RPTOR: variants seen among roughly 807,000 people sequenced by gnomAD.
The protein encoded by RPTOR is regulatory associated protein of MTOR complex 1.
RPTOR carries 21 observed loss-of-function variants against 169.9 expected under a neutral mutation model. The ratio of observed to expected loss-of-function variants is 0.12; its 90% CI spans 0.09 to 0.18. The LOEUF (loss-of-function observed/expected upper bound fraction) is 0.18, where lower values mean the gene tolerates loss of function less well. Among genes scored for constraint, RPTOR ranks in the 10% least tolerant of loss-of-function variants. The pLI, the probability that RPTOR is intolerant of heterozygous loss-of-function variation, is 1.00. For synonymous variants in RPTOR, 732 were observed against 753.2 expected (o/e 0.97, Z 0.46); for missense variants, 1,133 against 1,855.9 (o/e 0.61, Z 7.16).
chr17:80,579,085 G>T (rs1205220316), intron 1 of RPTOR, among the ~76,000 whole-genome samples: 1 of 152,128 alleles, frequency 6.6e-6, no homozygotes, highest in Non-Finnish European at 1.5e-5. Flanking sequence ...CAGGTACTCG[G>T]GGTTATTATT....
At chr17:80,930,743 G>C (rs548709106) in intron 24 of RPTOR, among the ~76,000 whole-genome samples, 1 of 152,240 alleles carries the variant, frequency 6.6e-6, no homozygotes, top group Non-Finnish European at 1.5e-5. Context: ...AGTGGGAGAC[G>C]TAGCTTCTCT....
At chr17:80,767,807 C>A (rs1053901879) in intron 6 of RPTOR, among the ~76,000 whole-genome samples, 4 of 152,106 alleles carry the variant, frequency 2.6e-5, no homozygotes, top group African/African-American at 9.7e-5. Context: ...GGGCCTTTTA[C>A]AAATCAGCTT....
chr17:80,805,466 C>T (rs1053079123), intron 7 of RPTOR: 1 of 152,274 alleles, frequency 6.6e-6, no homozygotes, highest in Non-Finnish European at 1.5e-5. Context: ...CTGCTTTTCT[C>T]GATGTGGCAG....
chr17:80,738,740 G>A (rs956363926), intron 5 of RPTOR, among the ~76,000 whole-genome samples: 7 of 152,150 alleles, frequency 4.6e-5, no homozygotes, highest in African/African-American at 1.2e-4. Context: ...AATGCCTCAC[G>A]TTAAATTGAT....
rs991970401 is a variant in RPTOR at position 80,893,563 on chromosome 17, G to A, written c.2243-144G>A. On this transcript the variant is annotated intron_variant, in intron 19 of 33. Transcript: ENST00000306801. ...ACATGCCAGGGTGTGTGCGCACCAG[G>A]GTGTGTGTGTACCAGGGTGTGTTTG... The A allele has an allele frequency of 1.4e-5, 14 of 1,003,212 alleles. No individual in the cohort carries two copies. In the African/African-American group the frequency reaches 2.2e-4, roughly 15 times the overall value. The allele number at this position is 1,003,212 out of a possible 1,614,324, so 62.1% of individuals were successfully genotyped here.
intron 4 of RPTOR, among the ~76,000 whole-genome samples, chr17:80,718,601 G>C (rs2066259200): frequency 6.6e-6 from 1 of 152,168 alleles, no homozygotes; most frequent in South Asian, 2.1e-4. Flanking sequence ...GTGCTTGCTC[G>C]GGCTGAGTCT....
chr17:80,961,422 G>A lies in RPTOR; in HGVS notation c.3634G>A (p.Ala1212Thr). Residue 1212 changes from alanine to threonine, a missense_variant, in exon 31 of 34, where the codon GCC becomes ACC. Physicochemically the swap from Ala to Thr is moderately conservative, Grantham distance 58. This residue lies in a region of RPTOR where 410 missense variants were observed against 623.7 expected (regional missense o/e 0.66). Coordinates refer to ENST00000306801, the MANE Select transcript of RPTOR (RefSeq NM_020761.3). Reference protein sequence around the residue: ...CRVMTYREHTAWVVKASLQKR... With the variant: ...CRVMTYREHTTWVVKASLQKR... The stretch of plus-strand genomic sequence containing the variant: ...CGTCATGACGTACCGGGAGCACACA[G>A]CCTGGGTGGTGAAGGCCTCCCTGCA... The A allele has an allele frequency of 6.4e-7, 1 of 1,550,984 alleles. No individual in the cohort carries two copies. The highest frequency in any genetic ancestry group is 8.7e-7 in the Non-Finnish European group (1 of 1,147,754).
At chr17:80,938,435 T>C (rs1049430532) in intron 24 of RPTOR, among the ~76,000 whole-genome samples, 3 of 152,256 alleles carry the variant, frequency 2.0e-5, no homozygotes, top group Non-Finnish European at 4.4e-5. Context: ...AAGTGCAATG[T>C]CTCTGTTCCT....
chr17:80,666,389 G>A (rs1014283117), intron 3 of RPTOR, among the ~76,000 whole-genome samples: 22 of 152,120 alleles, frequency 1.4e-4, no homozygotes, highest in East Asian at 1.2e-3. Context: ...ACAAGCTACC[G>A]CTGTCTTCAG....
chr17:80,943,981 C>T (rs936962096), intron 25 of RPTOR, among the ~76,000 whole-genome samples: 22 of 152,178 alleles, frequency 1.4e-4, no homozygotes, highest in African/African-American at 5.1e-4. Context: ...GTCCTTGGTG[C>T]CACAACAGAC....
intron 6 of RPTOR, among the ~76,000 whole-genome samples, chr17:80,769,900 T>G (rs1022099012): frequency 4.0e-5 from 6 of 150,054 alleles, no homozygotes; most frequent in Non-Finnish European, 7.4e-5. Context: ...AGTGCCTTCT[T>G]TGTGGTAGGT....
At chr17:80,884,960 A>G in intron 16 of RPTOR, 48 bp from the exon 17 acceptor site, 1 of 1,577,844 alleles carries the variant, frequency 6.3e-7, no homozygotes, top group Non-Finnish European at 8.6e-7. Context: ...GGCAGGCTGC[A>G]GCATGGCCCG....
intron 3 of RPTOR, among the ~76,000 whole-genome samples, chr17:80,647,575 C>T (rs1216492434): frequency 6.7e-6 from 1 of 150,232 alleles, no homozygotes; most frequent in Non-Finnish European, 1.5e-5. Context: ...GGCCACACCT[C>T]TTTACTTGGG....
At chr17:80,727,619 G>A (rs1362873958) in intron 4 of RPTOR, among the ~76,000 whole-genome samples, 1 of 152,218 alleles carries the variant, frequency 6.6e-6, no homozygotes, top group Non-Finnish European at 1.5e-5. Context: ...ACCATGTCGC[G>A]CTGGCCAGAA....
chr17:80,796,001 G>A (rs898241307), intron 7 of RPTOR, among the ~76,000 whole-genome samples: 4 of 152,182 alleles, frequency 2.6e-5, no homozygotes, highest in Non-Finnish European at 4.4e-5. Flanking sequence ...AGGCACCTAC[G>A]ACTCCCAGGC....
At chr17:80,634,446 ACTTT>A (rs2065476634) in intron 2 of RPTOR, among the ~76,000 whole-genome samples, 2 of 94,742 alleles carry the variant, frequency 2.1e-5, no homozygotes, top group African/African-American at 8.7e-5. Context: ...CTGTGTGCAT[ACTTT>A]GTGTGTGCAT....
intron 6 of RPTOR, among the ~76,000 whole-genome samples, chr17:80,791,133 A>G (rs2067043402): frequency 6.6e-6 from 1 of 151,566 alleles, no homozygotes; most frequent in African/African-American, 2.4e-5. Flanking sequence ...CCACTCCAGC[A>G]TCTCGTTTGG....
intron 33 of RPTOR, among the ~76,000 whole-genome samples, 161 bp from the exon 34 acceptor site, chr17:80,964,101 C>T (rs944989550): frequency 6.6e-6 from 1 of 152,190 alleles, no homozygotes; most frequent in Admixed American, 6.5e-5. Flanking sequence ...CTGCAGAGGA[C>T]TGGTGGGACC....
intron 24 of RPTOR, among the ~76,000 whole-genome samples, chr17:80,939,688 C>A (rs2068999711): frequency 6.6e-6 from 1 of 152,242 alleles, no homozygotes; most frequent in South Asian, 2.1e-4. Flanking sequence ...TTCCTTCTGT[C>A]TCGTAAGCTC....
Sources: gnomAD v4.1 joint callset for allele counts (sites outside exome capture counted in the v4.1 genomes callset) on GRCh38, gnomAD v4.1.1 for gene constraint, gnomAD v4.1.1 regional missense constraint, MANE v1.5 for transcripts, NCBI Gene and HGNC (gene_info 2026-07-23, HGNC 2026-07-21) for gene names.